PROSER1: variants seen among roughly 807,000 people sequenced by gnomAD.
The protein encoded by PROSER1 is proline and serine rich 1, also known as proline and serine-rich protein 1.
In PROSER1, 36 loss-of-function variants were observed where a neutral mutation model predicts 71.8. The observed-to-expected ratio is 0.50, with a 90% CI of 0.38 to 0.66. PROSER1 has a LOEUF of 0.66. PROSER1 is among the 30% of genes least tolerant of loss of function. The probability of loss-of-function intolerance (pLI) is 0.00; values close to 1 mark genes in which losing one functional copy is unlikely to be tolerated. For missense variants in PROSER1, 1,107 were observed against 1,135.0 expected (o/e 0.98, Z 0.35); for synonymous variants, 490 against 452.4 (o/e 1.08, Z -1.06).
intron 5 of PROSER1, among the ~76,000 whole-genome samples, chr13:39,026,923 G>A (rs552654486): frequency 4.6e-5 from 7 of 152,230 alleles, no homozygotes; most frequent in East Asian, 1.9e-4. Context: ...GTGAGGGAAG[G>A]GATTTAGGTC....
Position 39,014,232 on chromosome 13 carries a change from A to G in PROSER1, c.1020T>C (p.Pro340=), listed in dbSNP as rs780743428. 2 of 1,614,164 alleles carry G rather than the reference A, an allele frequency of 1.2e-6. No homozygotes were observed. Among genetic ancestry groups the G allele is most frequent in the East Asian group, 2.2e-5 (1 of 44,874 alleles). ...SIPNPTVIRT[P]SLPTAPVTSI... The stretch of plus-strand genomic sequence containing the variant: ...ATGTAACAGGTGCAGTGGGCAATGA[A>G]GGGGTTCTGATAACTGTTGGGTTTG... The change falls in exon 11 of 13, where the codon CCT becomes CCC. Residue 340 remains proline (P), a synonymous_variant. Coordinates refer to ENST00000352251, the MANE Select transcript of PROSER1 (RefSeq NM_025138.5).
At chr13:39,019,602 C>A (rs1870193205) in intron 9 of PROSER1, among the ~76,000 whole-genome samples, 1 of 145,876 alleles carries the variant, frequency 6.9e-6, no homozygotes, top group African/African-American at 2.6e-5. Context: ...ATACTGACAA[C>A]CATTAAGAAT....
At chr13:39,026,419 A>C (rs1367420932) in intron 5 of PROSER1, 32 bp from the exon 6 acceptor site, 2 of 1,409,400 alleles carry the variant, frequency 1.4e-6, no homozygotes, top group African/African-American at 1.4e-5. Context: ...GGGTAGGAAA[A>C]AAATTCTTAA....
chr13:39,037,520 G>C lies in PROSER1; in HGVS notation c.-278C>G. On this transcript the variant is annotated 5_prime_UTR_variant, in exon 1 of 13. Coordinates refer to ENST00000352251, the MANE Select transcript of PROSER1 (RefSeq NM_025138.5). The stretch of plus-strand genomic sequence containing the variant: ...CAATGGTTCAGGGCACCTCGGGCAA[G>C]AGCCAGGTCCTCTGAGTTTTGCAGA... 2.9e-6 allele frequency: 1 copy of C among 340,882 alleles called. No homozygotes were observed. Among genetic ancestry groups the C allele is most frequent in the Non-Finnish European group, 5.3e-6 (1 of 188,176 alleles). 21.1% of individuals were successfully genotyped at this position (340,882 alleles called of 1,614,324 possible).
chr13:39,023,182 TC>T, intron 7 of PROSER1, 52 bp from the exon 8 acceptor site: 1 of 1,352,454 alleles, frequency 7.4e-7, no homozygotes, highest in African/African-American at 1.4e-5. Context: ...GTAAGCTGTC[TC>T]CTGGCAACTT....
chr13:39,012,289 T>G, intron 11 of PROSER1, 56 bp from the exon 12 acceptor site: 1 of 1,525,220 alleles, frequency 6.6e-7, no homozygotes, highest in Non-Finnish European at 9.0e-7. Context: ...AAAGCTACTG[T>G]TTCCATATTT....
rs1016242584 is a variant in PROSER1, at chr13:39,033,236, T to A, written c.111+895A>T. ...CACCCAGCCAAAACATTTAAATTTT[T>A]AAAAGAGCATAAAGTAACTTTGTAA... On this transcript the variant is annotated intron_variant, in intron 2 of 12. Coordinates refer to ENST00000352251, the MANE Select transcript of PROSER1 (RefSeq NM_025138.5). 2.0e-5 allele frequency among the ~76,000 whole-genome samples: 3 copies of A among 152,180 alleles called. No homozygotes were observed. The South Asian group carries it at 6.2e-4, about 31-fold the overall frequency.
chr13:39,021,577 T>G (rs1255805731), intron 9 of PROSER1, among the ~76,000 whole-genome samples: 1 of 151,910 alleles, frequency 6.6e-6, no homozygotes, highest in Admixed American at 6.6e-5. Context: ...TCTCTACAAG[T>G]GGGGAACTAA....
rs749523136 is a variant in PROSER1 at position 39,029,336 on chromosome 13, G to T, written c.220C>A (p.Leu74Ile). 1 of 1,542,520 alleles carries T rather than the reference G, an allele frequency of 6.5e-7. No individual in the cohort carries two copies. The highest frequency in any genetic ancestry group is 2.1e-5 in the Admixed American group (1 of 47,736). ...AVQPTEVVNI[L>I]NCFTFSKDKL... ...TCTTTACTGAAAGTGAAACAGTTGA[G>T]TATATTGACCACTTCTGTTGGCTGG... is the stretch of plus-strand genomic sequence containing the variant. Residue 74 changes from leucine to isoleucine, a missense_variant, in exon 4 of 13, where the codon CTC becomes ATC. Coordinates refer to ENST00000352251, the MANE Select transcript of PROSER1 (RefSeq NM_025138.5).
chr13:39,031,656 T>C, intron 2 of PROSER1, 25 bp from the exon 3 acceptor site: 1 of 1,590,716 alleles, frequency 6.3e-7, no homozygotes, highest in Non-Finnish European at 8.6e-7. Flanking sequence ...CTAACAGCTC[T>C]AATGACAGCA....
intron 10 of PROSER1, among the ~76,000 whole-genome samples, chr13:39,015,908 C>T (rs576044690): frequency 6.6e-6 from 1 of 152,088 alleles, no homozygotes; most frequent in African/African-American, 2.4e-5. Context: ...GGAATATATA[C>T]CTAATCTTAT....
rs1158843519 is a variant in PROSER1 at position 39,010,027 on chromosome 13, G to A, written c.*1338C>T. On this transcript the variant is annotated 3_prime_UTR_variant, in exon 13 of 13. Transcript: ENST00000352251. ...TTTTACATTAAAATATCATTTAAAC[G>A]AATGAGCAATCAGTAGTATAAACAG... The A allele has an allele frequency of 2.0e-5, 3 of 152,330 alleles. No individual in the cohort carries two copies. The highest frequency in any genetic ancestry group is 4.4e-5 in the Non-Finnish European group (3 of 67,994). 9.4% of individuals were successfully genotyped at this position (152,330 alleles called of 1,614,324 possible). A position where few individuals can be genotyped will look rare whatever the true frequency, so the allele number is the denominator to read the frequency against.
chr13:39,017,380 C>T (rs1217973253), intron 10 of PROSER1, 120 bp downstream of exon 10: 1 of 695,146 alleles, frequency 1.4e-6, no homozygotes, highest in Non-Finnish European at 2.5e-6. Context: ...GAATTATATT[C>T]TTTAACCAGA....
chr13:39,023,334 A>G, intron 7 of PROSER1: 1 of 507,966 alleles, frequency 2.0e-6, no homozygotes, highest in South Asian at 2.9e-5. Flanking sequence ...AGATCTTGCC[A>G]AAGATGGCCA....
intron 9 of PROSER1, among the ~76,000 whole-genome samples, chr13:39,019,604 A>T (rs1870193320): frequency 6.6e-6 from 1 of 151,172 alleles, no homozygotes; most frequent in Non-Finnish European, 1.5e-5. Flanking sequence ...ACTGACAACC[A>T]TTAAGAATAA....
intron 1 of PROSER1, among the ~76,000 whole-genome samples, chr13:39,034,936 A>C (rs1338593493): frequency 6.6e-6 from 1 of 152,206 alleles, no homozygotes; most frequent in Non-Finnish European, 1.5e-5. Flanking sequence ...GCTTTGATGC[A>C]GCACTATCTA....
intron 3 of PROSER1, 112 bp downstream of exon 3, chr13:39,031,451 T>C (rs1305215601): frequency 3.1e-5 from 24 of 782,606 alleles, no homozygotes; most frequent in East Asian, 2.6e-4. Flanking sequence ...CAATAACACA[T>C]AGAGTTCGCT....
At chr13:39,018,455 A>G (rs917835301) in intron 9 of PROSER1, among the ~76,000 whole-genome samples, 1 of 149,294 alleles carries the variant, frequency 6.7e-6, no homozygotes, top group African/African-American at 2.5e-5. Context: ...AATTAAAGAA[A>G]AAGGACTTTT....
At position 39,014,361 on chromosome 13, in the gene PROSER1, T is replaced by G. The variant is rs778749026; in HGVS notation, c.891A>C (p.Ala297=). 8.7e-6 allele frequency: 14 copies of G among 1,614,042 alleles called. No individual in the cohort carries two copies. The highest frequency in any genetic ancestry group is 1.1e-5 in the Non-Finnish European group (13 of 1,180,006). ...SPVKAINHPS[A]SAAATVSGMN... is the part of the protein sequence containing the mutation. ...TTCCAGAAACGGTGGCAGCTGCTGA[T>G]GCTGATGGATGATTAATTGCCTTGA... The change falls in exon 11 of 13, where the codon GCA becomes GCC. Residue 297 remains alanine, a synonymous_variant. Coordinates refer to ENST00000352251, the MANE Select transcript of PROSER1 (RefSeq NM_025138.5).
Sources: allele counts gnomAD v4.1 joint callset (sites outside exome capture counted in the v4.1 genomes callset), GRCh38; gene constraint gnomAD v4.1.1; transcripts MANE v1.5; gene names NCBI Gene and HGNC (gene_info 2026-07-23, HGNC 2026-07-21).